PRNP: variants seen among roughly 807,000 people sequenced by gnomAD.
PRNP encodes major prion protein.
A neutral mutation model predicts 21.3 loss-of-function variants in PRNP; 15 were observed. The observed-to-expected ratio is 0.71, with a 90% CI of 0.47 to 1.09. The LOEUF (loss-of-function observed/expected upper bound fraction) is 1.09. PRNP is among the 50% of genes least tolerant of loss of function. The pLI is 0.00. For synonymous variants in PRNP, 121 were observed against 123.1 expected (o/e 0.98, Z 0.11); for missense variants, 285 against 340.9 (o/e 0.84, Z 1.29).
intron 1 of PRNP, among the ~76,000 whole-genome samples, chr20:4,687,056 G>A (rs1045515863): frequency 1.3e-5 from 2 of 152,054 alleles, no homozygotes; most frequent in Non-Finnish European, 2.9e-5. Flanking sequence ...TGCTTGGGGG[G>A]ATGGAGAGAG....
rs188083904 is a variant in PRNP at position 4,697,001 on chromosome 20, C to T, written c.-10-2210C>T. 1.1e-4 allele frequency among the ~76,000 whole-genome samples: 17 copies of T among 152,342 alleles called. No homozygotes were observed. The highest frequency in any genetic ancestry group is 3.3e-4 in the Admixed American group (5 of 15,302). On this transcript the variant is annotated intron_variant, in intron 1 of 1. Coordinates refer to ENST00000379440, the MANE Select transcript of PRNP (RefSeq NM_000311.5). This position sits in a 1 kb window ranked among gnomAD's most constrained non-coding sequence, Gnocchi z 4.6. ...TAAATGAGGCACATTCAAAGCCCGA[C>T]TCAGTGTCATTCCCTGCAGTCTCCT... is the stretch of plus-strand genomic sequence containing the variant.
At chr20:4,693,385 G>A (rs577520515) in intron 1 of PRNP, among the ~76,000 whole-genome samples, 1 of 152,050 alleles carries the variant, frequency 6.6e-6, no homozygotes, top group East Asian at 1.9e-4. Flanking sequence ...TGCCCAGGCT[G>A]GTCTCAAACT....
At position 4,697,470 on chromosome 20, in the gene PRNP, G is replaced by A. The variant is rs555443802; in HGVS notation, c.-10-1741G>A. On this transcript the variant is annotated intron_variant, in intron 1 of 1. Coordinates refer to ENST00000379440, the MANE Select transcript of PRNP (RefSeq NM_000311.5). This position sits in a 1 kb window ranked among gnomAD's most constrained non-coding sequence, Gnocchi z 4.6. ...CAGGAAAGGGGGTGGGCTAGGGGGT[G>A]CTGTTTTAGGTAGAGTGATGGGAAC... Among the ~76,000 whole-genome samples the A allele has an allele frequency of 2.0e-4, 31 of 152,302 alleles. No homozygotes were observed. In the East Asian group the frequency reaches 5.8e-3, roughly 29 times the overall value.
At chr20:4,693,106 T>C (rs1338649393) in intron 1 of PRNP, among the ~76,000 whole-genome samples, 1 of 152,190 alleles carries the variant, frequency 6.6e-6, no homozygotes, top group Non-Finnish European at 1.5e-5. Context: ...TTTCAGTAGA[T>C]GGCATCACCG....
intron 1 of PRNP, among the ~76,000 whole-genome samples, chr20:4,688,746 T>C (rs934561451): frequency 5.9e-5 from 9 of 152,144 alleles, no homozygotes; most frequent in Non-Finnish European, 1.3e-4. Context: ...AGTAAAAAAG[T>C]GGGTTATTAA....
chr20:4,699,400 T>C lies in PRNP; in HGVS notation c.180T>C (p.Pro60=), dbSNP rs1386720703. Residue 60 remains proline (P), a synonymous_variant, in exon 2 of 2, where the codon CCT becomes CCC. Coordinates refer to ENST00000379440, the MANE Select transcript of PRNP (RefSeq NM_000311.5). This position sits in a 1 kb window ranked among gnomAD's most constrained non-coding sequence, Gnocchi z 5.8. Reference sequence around the variant, plus strand: ...AGGGCGGTGGTGGCTGGGGGCAGCCTCATGGTGGTGGCTGGGGGCAGCCTC... The same window carrying C: ...AGGGCGGTGGTGGCTGGGGGCAGCCCCATGGTGGTGGCTGGGGGCAGCCTC... ...PPQGGGGWGQ[P]HGGGWGQPHG... 2 of 1,606,144 alleles carry C rather than the reference T, an allele frequency of 1.2e-6. No individual in the cohort carries two copies. Among genetic ancestry groups the C allele is most frequent in the Non-Finnish European group, 1.7e-6 (2 of 1,176,810 alleles).
chr20:4,693,276 C>T (rs1921949152), intron 1 of PRNP, among the ~76,000 whole-genome samples: 1 of 152,180 alleles, frequency 6.6e-6, no homozygotes, highest in Non-Finnish European at 1.5e-5. Flanking sequence ...CATCTTCCTG[C>T]AGCAGTTTCT....
intron 1 of PRNP, among the ~76,000 whole-genome samples, chr20:4,695,474 T>A (rs1922110949): frequency 6.6e-6 from 1 of 152,214 alleles, no homozygotes; most frequent in Non-Finnish European, 1.5e-5. Flanking sequence ...TTCGATAGCA[T>A]ATATGTACCA....
chr20:4,689,654 A>G (rs1921695603), intron 1 of PRNP, among the ~76,000 whole-genome samples: 1 of 152,148 alleles, frequency 6.6e-6, no homozygotes, highest in African/African-American at 2.4e-5. Flanking sequence ...AGGCAACTAT[A>G]TCCACTGTGA....
In PRNP at chr20:4,700,870, C is replaced by T. The variant is rs1255293507; in HGVS notation, c.*888C>T. ...TCTCCTTTGTCCATTTACCTGGAAA[C>T]CAGAATGATTTTGACATACAGGAGA... On this transcript the variant is annotated 3_prime_UTR_variant, in exon 2 of 2. Coordinates refer to ENST00000379440, the MANE Select transcript of PRNP (RefSeq NM_000311.5). This position sits in a 1 kb window ranked among gnomAD's most constrained non-coding sequence, Gnocchi z 4.1. The T allele has an allele frequency of 5.4e-5, 9 of 166,810 alleles. No homozygotes were observed. Among genetic ancestry groups the T allele is most frequent in the Non-Finnish European group, 1.5e-5 (1 of 68,184 alleles). 10.3% of individuals were successfully genotyped at this position (166,810 alleles called of 1,614,324 possible). A position where few individuals can be genotyped will look rare whatever the true frequency, so the allele number is the denominator to read the frequency against.
At chr20:4,698,061 T>C (rs1486943186) in intron 1 of PRNP, among the ~76,000 whole-genome samples, 1 of 151,936 alleles carries the variant, frequency 6.6e-6, no homozygotes, top group East Asian at 1.9e-4. Context: ...TTTGATTTCC[T>C]GGGGTGTATG....
chr20:4,694,274 G>T (rs572642455), intron 1 of PRNP, among the ~76,000 whole-genome samples: 7 of 151,844 alleles, frequency 4.6e-5, no homozygotes, highest in Admixed American at 3.3e-4. Flanking sequence ...GCCAAGACAG[G>T]AAGATCTCTT....
At chr20:4,693,016 T>C (rs1921928590) in intron 1 of PRNP, among the ~76,000 whole-genome samples, 1 of 152,220 alleles carries the variant, frequency 6.6e-6, no homozygotes, top group Admixed American at 6.5e-5. Flanking sequence ...GAATGTCTCA[T>C]AGGTGTGGCA....
chr20:4,694,970 C>G (rs899802687), intron 1 of PRNP, among the ~76,000 whole-genome samples: 1 of 149,056 alleles, frequency 6.7e-6, no homozygotes, highest in African/African-American at 2.5e-5. Flanking sequence ...CCATTTTTTT[C>G]TGTTGGAATT....
intron 1 of PRNP, among the ~76,000 whole-genome samples, chr20:4,698,466 T>A (rs2122224661): frequency 6.6e-6 from 1 of 152,338 alleles, no homozygotes; most frequent in Admixed American, 6.5e-5. Flanking sequence ...TGTTCTAAAA[T>A]TGGCAACAGT....
intron 1 of PRNP, among the ~76,000 whole-genome samples, chr20:4,694,861 C>G (rs191340595): frequency 6.6e-6 from 1 of 151,874 alleles, no homozygotes; most frequent in African/African-American, 2.4e-5. Flanking sequence ...AGTGTTATAT[C>G]ATTTTTTTTC....
At chr20:4,688,886 G>A (rs972294228) in intron 1 of PRNP, among the ~76,000 whole-genome samples, 3 of 152,174 alleles carry the variant, frequency 2.0e-5, no homozygotes, top group Non-Finnish European at 4.4e-5. Context: ...CTCTCACTAA[G>A]GGCGTTTAAA....
chr20:4,688,093 C>A (rs1037024688), intron 1 of PRNP, among the ~76,000 whole-genome samples: 3 of 152,016 alleles, frequency 2.0e-5, no homozygotes, highest in Non-Finnish European at 4.4e-5. Flanking sequence ...CACAAGTCTT[C>A]CACACCGAAA....
At chr20:4,698,956 T>G (rs1211530503) in intron 1 of PRNP, among the ~76,000 whole-genome samples, 1 of 152,230 alleles carries the variant, frequency 6.6e-6, no homozygotes, top group African/African-American at 2.4e-5. Flanking sequence ...TCATAAAATG[T>G]TAAATAATGA....
Sources: gnomAD v4.1 joint callset for allele counts (sites outside exome capture counted in the v4.1 genomes callset) on GRCh38, gnomAD v4.1.1 for gene constraint, Gnocchi (gnomAD v3.1) non-coding constraint, MANE v1.5 for transcripts, NCBI Gene and HGNC (gene_info 2026-07-23, HGNC 2026-07-21) for gene names.